The following CDH23 variants were observed in gnomAD, a reference collection of about 807,000 sequenced individuals.
CDH23 encodes cadherin related 23.
Under a neutral mutation model 317.1 loss-of-function variants are expected in CDH23, and 189 were observed. The observed-to-expected ratio is 0.60, with a 90% confidence interval of 0.53 to 0.67. The LOEUF (loss-of-function observed/expected upper bound fraction) is 0.67. Ranked by LOEUF, CDH23 falls within the 30% of genes least tolerant of loss-of-function variation. The pLI, the probability that CDH23 is intolerant of heterozygous loss-of-function variation, is 0.00. For synonymous variants in CDH23, 1,839 were observed against 1,876.8 expected, an observed-to-expected ratio of 0.98 and a Z score of 0.52; for missense variants, 4,401 against 4,592.4, an observed-to-expected ratio of 0.96 and a Z score of 1.20.
intron 8 of CDH23, among the ~76,000 whole-genome samples, chr10:71,573,668 A>C (rs577699531): frequency 9.2e-5 from 14 of 152,302 alleles, no homozygotes; most frequent in African/African-American, 2.6e-4. Flanking sequence ...TTGTCTCCAC[A>C]AGGGCACTAA....
intron 14 of CDH23, 129 bp downstream of exon 14, chr10:71,646,746 T>G: frequency 1.2e-6 from 2 of 1,603,888 alleles, no homozygotes; most frequent in Non-Finnish European, 1.7e-6. Flanking sequence ...CTGAGCTGTG[T>G]TTGTTGGTGT....
chr10:71,547,144 A>G (rs1026218002), intron 6 of CDH23, among the ~76,000 whole-genome samples: 2 of 152,196 alleles, frequency 1.3e-5, no homozygotes, highest in Non-Finnish European at 2.9e-5. Flanking sequence ...GTGACCAGAG[A>G]GTCACCTAAT....
At chr10:71,505,704 G>A (rs75811009) in intron 3 of CDH23, among the ~76,000 whole-genome samples, 1,686 of 152,276 alleles carry the variant, frequency 0.011, 22 homozygotes, top group African/African-American at 0.035. Context: ...TCTATCATAA[G>A]AGGGCATTCC....
intron 9 of CDH23, among the ~76,000 whole-genome samples, chr10:71,580,660 A>G (rs1204402297): frequency 9.9e-5 from 15 of 152,196 alleles, no homozygotes; most frequent in Admixed American, 9.2e-4. Flanking sequence ...CATCCTTGCT[A>G]TGTTACCACT....
At chr10:71,673,354 C>T (rs1256230454) in intron 14 of CDH23, among the ~76,000 whole-genome samples, 1 of 152,252 alleles carries the variant, frequency 6.6e-6, no homozygotes, top group Non-Finnish European at 1.5e-5. Flanking sequence ...GGTTCAATGA[C>T]ATGGCAGTCA....
intron 38 of CDH23, among the ~76,000 whole-genome samples, chr10:71,769,162 C>T (rs1180678846): frequency 6.6e-6 from 1 of 152,220 alleles, no homozygotes; most frequent in Non-Finnish European, 1.5e-5. Flanking sequence ...ATTCCCTTTA[C>T]AATTATTTCA....
intron 3 of CDH23, among the ~76,000 whole-genome samples, chr10:71,450,269 T>C (rs1192915149): frequency 6.7e-6 from 1 of 149,306 alleles, no homozygotes; most frequent in Non-Finnish European, 1.5e-5. Flanking sequence ...CTACTTTTTT[T>C]TTTTTTTTTT....
In CDH23 at chr10:71,450,411, A is replaced by G. The variant is rs141893633; in HGVS notation, c.145+4016A>G. ...CTCCTGGGTAGCTGGGATTACAGGC[A>G]CACGCCACCACTCCCAGCTAATTTT... On this transcript the variant is annotated intron_variant, in intron 3 of 69. Transcript: ENST00000224721. Among the ~76,000 whole-genome samples the G allele has an allele frequency of 3.7e-3, 559 of 151,962 alleles. 3 individuals are homozygous for G. Among genetic ancestry groups the G allele is most frequent in the African/African-American group, 0.013 (542 of 41,446 alleles).
chr10:71,663,674 G>A (rs1863770017), intron 14 of CDH23, among the ~76,000 whole-genome samples: 1 of 152,242 alleles, frequency 6.6e-6, no homozygotes, highest in Non-Finnish European at 1.5e-5. Flanking sequence ...GTCTCATAGA[G>A]TGGGAGTGAA....
chr10:71,727,513 C>T (rs997748688), intron 30 of CDH23, among the ~76,000 whole-genome samples: 1 of 152,216 alleles, frequency 6.6e-6, no homozygotes, highest in Admixed American at 6.5e-5. Flanking sequence ...ACTCATTTTC[C>T]CAGCAGCAGG....
In CDH23 at chr10:71,397,596, T is replaced by A. The variant is rs777499929; in HGVS notation, c.-6+278T>A. Among the ~76,000 whole-genome samples the A allele has an allele frequency of 6.6e-6, 1 of 151,920 alleles. No individual in the cohort carries two copies. Among genetic ancestry groups the A allele is most frequent in the Non-Finnish European group, 1.5e-5 (1 of 67,960 alleles). ...TGGCCTTGGGAGGACAGGCATCCCA[T>A]CCCCCATCCCCGGTCCTGGGACCGC... On this transcript the variant is annotated intron_variant, in intron 1 of 69. Transcript: ENST00000224721. This position sits in a 1 kb window ranked among gnomAD's most constrained non-coding sequence, Gnocchi z 4.8.
At chr10:71,732,514 C>T in intron 32 of CDH23, 139 bp downstream of exon 32, 1 of 1,366,008 alleles carries the variant, frequency 7.3e-7, no homozygotes, top group Middle Eastern at 2.0e-4. Flanking sequence ...TACCTGTAGT[C>T]CCAGCTGCTT....
chr10:71,521,420 G>A (rs1030672772), intron 6 of CDH23, among the ~76,000 whole-genome samples: 1 of 152,256 alleles, frequency 6.6e-6, no homozygotes, highest in Admixed American at 6.5e-5. Context: ...TTGCTGAGAC[G>A]AACCCTCCAT....
At position 71,791,051 on chromosome 10, in the gene CDH23, C is replaced by G. The variant is rs193078856; in HGVS notation, c.6050-81C>G. 38 of 1,098,970 alleles carry G rather than the reference C, an allele frequency of 3.5e-5. No homozygotes were observed. In the African/African-American group the frequency reaches 5.6e-4, roughly 16 times the overall value. The allele number at this position is 1,098,970 out of a possible 1,614,324, so 68.1% of individuals were successfully genotyped here. On this transcript the variant is annotated intron_variant, in intron 46 of 69. Coordinates refer to ENST00000224721, the MANE Select transcript of CDH23 (RefSeq NM_022124.6). ...CATGGTGCCCCTGTCTTTCTCTGCTCTCTCCCTGTTGGTTCTTGCCCTGTC... is the reference window on the plus strand; with the variant it reads ...CATGGTGCCCCTGTCTTTCTCTGCTGTCTCCCTGTTGGTTCTTGCCCTGTC...
At chr10:71,423,367 C>T (rs951810553) in intron 1 of CDH23, among the ~76,000 whole-genome samples, 6 of 152,194 alleles carry the variant, frequency 3.9e-5, no homozygotes, top group African/African-American at 1.2e-4. Context: ...AGGGCTGTGG[C>T]TTGGCAACAA....
At chr10:71,461,672 G>A (rs1850993681) in intron 3 of CDH23, among the ~76,000 whole-genome samples, 1 of 152,364 alleles carries the variant, frequency 6.6e-6, no homozygotes, top group Middle Eastern at 3.4e-3. Flanking sequence ...GACTTGGGCT[G>A]AGAGTGGCTT....
At chr10:71,577,756 C>T (rs535100454) in intron 8 of CDH23, among the ~76,000 whole-genome samples, 158 bp from the exon 9 acceptor site, 1 of 152,174 alleles carries the variant, frequency 6.6e-6, no homozygotes, top group Non-Finnish European at 1.5e-5. Flanking sequence ...GCAGTGTGTG[C>T]CCAGGGCAGC....
intron 38 of CDH23, among the ~76,000 whole-genome samples, chr10:71,744,079 G>A (rs1292224185): frequency 6.6e-6 from 1 of 152,156 alleles, no homozygotes; most frequent in Non-Finnish European, 1.5e-5. Context: ...GGCTCACGTG[G>A]GCACCCTAGC....
chr10:71,615,704 C>A, intron 10 of CDH23, 88 bp downstream of exon 10: 1 of 922,032 alleles, frequency 1.1e-6, no homozygotes, highest in Non-Finnish European at 1.7e-6. Context: ...GGGCTCCTGC[C>A]CCCGGTGGTG....
Sources: allele counts gnomAD v4.1 joint callset (sites outside exome capture counted in the v4.1 genomes callset), GRCh38; gene constraint gnomAD v4.1.1; non-coding constraint Gnocchi (gnomAD v3.1); transcripts MANE v1.5; gene names NCBI Gene and HGNC (gene_info 2026-07-23, HGNC 2026-07-21).